The following MYO1E variants were observed in gnomAD, a reference collection of about 807,000 sequenced individuals.
MYO1E encodes the protein unconventional myosin-Ie.
A neutral mutation model predicts 151.1 loss-of-function variants in MYO1E; 68 were observed. The observed-to-expected ratio is 0.45, with a 90% CI of 0.37 to 0.55. The LOEUF is 0.55. Ranked by LOEUF, MYO1E falls within the 20% of genes least tolerant of loss-of-function variation. The pLI, the probability that MYO1E is intolerant of heterozygous loss-of-function variation, is 0.00. For synonymous variants in MYO1E, 601 were observed against 501.7 expected (o/e 1.20, Z -2.64); for missense variants, 1,363 against 1,389.3 (o/e 0.98, Z 0.30).
At chr15:59,302,599 C>T (rs925645719) in intron 1 of MYO1E, among the ~76,000 whole-genome samples, 1 of 152,168 alleles carries the variant, frequency 6.6e-6, no homozygotes, top group Non-Finnish European at 1.5e-5. Context: ...TTAGACATAA[C>T]ACAACTGATT....
intron 5 of MYO1E, among the ~76,000 whole-genome samples, chr15:59,234,822 CA>C (rs3053017): frequency 0.033 from 3,408 of 101,988 alleles, 75 homozygotes; most frequent in African/African-American, 0.12. Context: ...GACCCCATCT[CA>C]AAAAAAAAAA....
At chr15:59,302,751 A>G (rs1017987021) in intron 1 of MYO1E, among the ~76,000 whole-genome samples, 5 of 144,436 alleles carry the variant, frequency 3.5e-5, no homozygotes, top group African/African-American at 1.4e-4. Context: ...AATGAGGTGT[A>G]AAGTAATACA....
rs1405042883 is a variant in MYO1E, at chr15:59,336,016, C to T, written c.3+36482G>A. On this transcript the variant is annotated intron_variant, in intron 1 of 27. Transcript: ENST00000288235. Reference sequence around the variant, plus strand: ...AAGTGTGCTACCCCCTCTCCCACTACACCCAAAATATTAACACAAAAGCAA... The same window carrying T: ...AAGTGTGCTACCCCCTCTCCCACTATACCCAAAATATTAACACAAAAGCAA... 3.3e-5 allele frequency among the ~76,000 whole-genome samples: 5 copies of T among 150,442 alleles called. No homozygotes were observed. In the East Asian group the frequency reaches 9.7e-4, roughly 29 times the overall value.
chr15:59,206,257 CAT>C (rs2079833086), intron 14 of MYO1E, among the ~76,000 whole-genome samples: 1 of 152,138 alleles, frequency 6.6e-6, no homozygotes, highest in Admixed American at 6.5e-5. Context: ...GACGAAAATC[CAT>C]TTATTCAGCA....
chr15:59,252,085 C>T (rs1203120602), intron 4 of MYO1E, among the ~76,000 whole-genome samples: 2 of 152,082 alleles, frequency 1.3e-5, no homozygotes, highest in East Asian at 1.9e-4. Flanking sequence ...AAATGGGATA[C>T]AAAAATTAAA....
At chr15:59,339,364 G>A (rs2080749337) in intron 1 of MYO1E, among the ~76,000 whole-genome samples, 1 of 152,100 alleles carries the variant, frequency 6.6e-6, no homozygotes, top group Non-Finnish European at 1.5e-5. Context: ...CTGACCTTCT[G>A]GTTTCCAAAT....
At position 59,220,985 on chromosome 15, in the gene MYO1E, CATTATATATATA is replaced by C. The variant is rs1457405813; in HGVS notation, c.910+2062_910+2073del. On this transcript the variant is annotated intron_variant, in intron 9 of 27. Transcript: ENST00000288235. ...TAGGAATTGATATAGCATCATCTCA[CATTATATATATA>C]ATTATATATATAATATATATATAAA... Among the ~76,000 whole-genome samples the C allele has an allele frequency of 2.2e-5, 3 of 137,744 alleles. No individual in the cohort carries two copies. The East Asian group carries it at 6.2e-4, about 28-fold the overall frequency. The allele number at this position is 137,744 out of a possible 152,430, so 90.4% of individuals were successfully genotyped here.
intron 2 of MYO1E, among the ~76,000 whole-genome samples, chr15:59,271,322 A>T (rs1319129727): frequency 6.6e-6 from 1 of 152,240 alleles, no homozygotes; most frequent in African/African-American, 2.4e-5. Flanking sequence ...TAAAAATCTA[A>T]GATGTATATT....
At chr15:59,208,953 T>C (rs2079859189) in intron 13 of MYO1E, 105 bp from the exon 14 acceptor site, 1 of 1,358,760 alleles carries the variant, frequency 7.4e-7, no homozygotes, top group African/African-American at 1.4e-5. Context: ...AGACTTAAGA[T>C]ACCATCTTGA....
chr15:59,336,331 C>CTGCACTCCAGTCTCGGT (rs2080728129), intron 1 of MYO1E, among the ~76,000 whole-genome samples: 1 of 151,756 alleles, frequency 6.6e-6, no homozygotes, highest in African/African-American at 2.4e-5. Context: ...GATCATGCCA[C>CTGCACTCCAGTCTCGGT]TGCACTCCAG....
chr15:59,182,328 T>G (rs28416010), intron 18 of MYO1E, among the ~76,000 whole-genome samples: 4,029 of 152,222 alleles, frequency 0.026, 185 homozygotes, highest in African/African-American at 0.093. Context: ...TTCTCCTGCC[T>G]CAGCCTTCTG....
chr15:59,227,426 G>A, intron 7 of MYO1E, 33 bp downstream of exon 7: 1 of 1,613,358 alleles, frequency 6.2e-7, no homozygotes, highest in Non-Finnish European at 8.5e-7. Flanking sequence ...AGAAGGGACA[G>A]GAAGTGGGTA....
intron 3 of MYO1E, among the ~76,000 whole-genome samples, chr15:59,258,252 C>T (rs2080205239): frequency 6.6e-6 from 1 of 152,222 alleles, no homozygotes; most frequent in South Asian, 2.1e-4. Flanking sequence ...GAGGCTGAGG[C>T]AGGAGAATTG....
chr15:59,143,999 T>G (rs941135744), intron 26 of MYO1E, among the ~76,000 whole-genome samples: 1 of 152,024 alleles, frequency 6.6e-6, no homozygotes, highest in Non-Finnish European at 1.5e-5. Context: ...TTTGGCTAAC[T>G]CCCCCTGAGA....
chr15:59,212,478 C>G (rs72746825), intron 12 of MYO1E, among the ~76,000 whole-genome samples: 1 of 152,072 alleles, frequency 6.6e-6, no homozygotes, highest in African/African-American at 2.4e-5. Flanking sequence ...ATAGTATCCC[C>G]CCAAATTTCA....
intron 1 of MYO1E, among the ~76,000 whole-genome samples, chr15:59,368,703 G>A (rs1300469327): frequency 1.3e-5 from 2 of 151,886 alleles, no homozygotes; most frequent in African/African-American, 4.8e-5. Flanking sequence ...TTGAGATCGC[G>A]CCAGTGCACT....
chr15:59,182,927 C>T (rs917833819), intron 18 of MYO1E, among the ~76,000 whole-genome samples: 6 of 152,226 alleles, frequency 3.9e-5, no homozygotes, highest in Non-Finnish European at 7.3e-5. Context: ...CACCTCAGGT[C>T]ATCAGGCATT....
chr15:59,356,974 C>T (rs895604329), intron 1 of MYO1E, among the ~76,000 whole-genome samples: 2 of 151,404 alleles, frequency 1.3e-5, no homozygotes, highest in South Asian at 2.1e-4. Flanking sequence ...GGCACGATCT[C>T]GGCTCACTGC....
intron 1 of MYO1E, among the ~76,000 whole-genome samples, chr15:59,293,049 C>T (rs542588762): frequency 3.9e-5 from 6 of 152,168 alleles, no homozygotes; most frequent in South Asian, 2.1e-4. Context: ...CATGGGGGTA[C>T]CATTGGTCCA....
Sources: gnomAD v4.1 joint callset for allele counts (sites outside exome capture counted in the v4.1 genomes callset) on GRCh38, gnomAD v4.1.1 for gene constraint, MANE v1.5 for transcripts, NCBI Gene and HGNC (gene_info 2026-07-23, HGNC 2026-07-21) for gene names.